Variants in BNC2 observed in about 807,000 individuals in gnomAD.
BNC2 encodes basonuclin zinc finger protein 2, also known as zinc finger protein basonuclin-2.
BNC2 carries 20 observed loss-of-function variants against 76.3 expected under a neutral mutation model. The observed-to-expected ratio is 0.26, with a 90% CI of 0.18 to 0.38. The LOEUF (loss-of-function observed/expected upper bound fraction) is 0.38, where lower values mean the gene tolerates loss of function less well. Ranked by LOEUF, BNC2 falls within the 10% of genes least tolerant of loss-of-function variation. BNC2 has a pLI of 1.00. For missense variants in BNC2, 1,382 were observed against 1,399.8 expected, an observed-to-expected ratio of 0.99 and a Z score of 0.20; for synonymous variants, 582 against 514.8, an observed-to-expected ratio of 1.13 and a Z score of -1.77.
intron 3 of BNC2, among the ~76,000 whole-genome samples, chr9:16,646,151 A>G (rs1178882633): frequency 2.6e-5 from 4 of 152,342 alleles, no homozygotes; most frequent in South Asian, 2.1e-4. Flanking sequence ...AGTGAACTGG[A>G]GGTCACCATT....
intron 3 of BNC2, among the ~76,000 whole-genome samples, chr9:16,710,307 C>A (rs1454024585): frequency 6.6e-6 from 1 of 152,176 alleles, no homozygotes; most frequent in Non-Finnish European, 1.5e-5. Context: ...TGCATCTTTC[C>A]TATGACATGT....
At chr9:16,432,777 C>A (rs1241349154) in intron 6 of BNC2, among the ~76,000 whole-genome samples, 1 of 152,146 alleles carries the variant, frequency 6.6e-6, no homozygotes, top group East Asian at 1.9e-4. Flanking sequence ...AGGAGGGTTT[C>A]TGTTTGAGAA....
At chr9:16,737,877 T>C (rs117017725) in intron 2 of BNC2, among the ~76,000 whole-genome samples, 2,252 of 152,214 alleles carry the variant, frequency 0.015, 18 homozygotes, top group Non-Finnish European at 0.02. Context: ...GTTATGTATC[T>C]CCATCTAGTT....
At chr9:16,799,462 C>T (rs892546132) in intron 1 of BNC2, among the ~76,000 whole-genome samples, 5 of 152,084 alleles carry the variant, frequency 3.3e-5, no homozygotes, top group African/African-American at 1.2e-4. Context: ...TTACCAGCAC[C>T]TGCCACAACA....
intron 5 of BNC2, among the ~76,000 whole-genome samples, chr9:16,537,295 C>A (rs1199084722): frequency 6.6e-6 from 1 of 152,096 alleles, no homozygotes; most frequent in East Asian, 1.9e-4. Context: ...TGCATGAGTA[C>A]ATACGGTTTC....
intron 4 of BNC2, among the ~76,000 whole-genome samples, chr9:16,563,448 G>T (rs1033087575): frequency 6.6e-6 from 1 of 150,834 alleles, no homozygotes; most frequent in Non-Finnish European, 1.5e-5. Context: ...GCGAAACCCT[G>T]TATCTACCAA....
intron 3 of BNC2, among the ~76,000 whole-genome samples, chr9:16,724,345 A>G (rs1336378221): frequency 1.3e-5 from 2 of 152,004 alleles, no homozygotes; most frequent in African/African-American, 4.8e-5. Context: ...TAAAAAAAAA[A>G]CTTTGAAAAG....
intron 1 of BNC2, among the ~76,000 whole-genome samples, chr9:16,822,449 C>T (rs1818360217): frequency 6.6e-6 from 1 of 152,142 alleles, no homozygotes. Flanking sequence ...CTTTTAAACT[C>T]TCAGTGGTAT....
At chr9:16,781,410 G>A (rs546496512) in intron 1 of BNC2, among the ~76,000 whole-genome samples, 32 of 152,176 alleles carry the variant, frequency 2.1e-4, no homozygotes, top group African/African-American at 7.5e-4. Context: ...TGGCGCAATC[G>A]TGGCTCACTG....
At chr9:16,706,613 G>C (rs540608026) in intron 3 of BNC2, among the ~76,000 whole-genome samples, 2 of 152,252 alleles carry the variant, frequency 1.3e-5, no homozygotes, top group South Asian at 2.1e-4. Context: ...AGTAATTTTT[G>C]TCTCCTTAGT....
At chr9:16,686,249 AC>A (rs1214740804) in intron 3 of BNC2, among the ~76,000 whole-genome samples, 24 of 152,296 alleles carry the variant, frequency 1.6e-4, no homozygotes, top group African/African-American at 5.3e-4. Context: ...TAATAAAAAA[AC>A]AAGGTTAAAA....
intron 1 of BNC2, among the ~76,000 whole-genome samples, chr9:16,766,030 G>A (rs997996369): frequency 1.2e-4 from 18 of 152,096 alleles, no homozygotes; most frequent in East Asian, 1.9e-4. Context: ...CTCGTGATCC[G>A]CCCGCCTTGG....
At chr9:16,507,418 C>A (rs1423844962) in intron 5 of BNC2, among the ~76,000 whole-genome samples, 1 of 152,034 alleles carries the variant, frequency 6.6e-6, no homozygotes, top group Non-Finnish European at 1.5e-5. Context: ...TGCCCCCACA[C>A]CTAGCTCATT....
chr9:16,643,223 T>C (rs1821536932), intron 3 of BNC2, among the ~76,000 whole-genome samples: 1 of 151,340 alleles, frequency 6.6e-6, no homozygotes, highest in South Asian at 2.1e-4. Context: ...GGAGAATCGC[T>C]TGAACCTGGG....
At chr9:16,556,766 CAA>C (rs397936765) in intron 4 of BNC2, among the ~76,000 whole-genome samples, 7 of 127,234 alleles carry the variant, frequency 5.5e-5, no homozygotes, top group Non-Finnish European at 3.4e-5. Flanking sequence ...GACTCTAACT[CAA>C]AAAAAAAAAA....
At chr9:16,496,931 C>G (rs1031100780) in intron 5 of BNC2, among the ~76,000 whole-genome samples, 1 of 152,256 alleles carries the variant, frequency 6.6e-6, no homozygotes, top group African/African-American at 2.4e-5. Flanking sequence ...TTGGTTCCAT[C>G]ATCACATCAG....
chr9:16,810,983 C>T (rs770743720), intron 1 of BNC2, among the ~76,000 whole-genome samples: 45 of 152,196 alleles, frequency 3.0e-4, no homozygotes, highest in Non-Finnish European at 5.0e-4. Flanking sequence ...ATTTGGGAGG[C>T]TGAGGCGGGC....
At chr9:16,780,247 A>AC (rs1047622069) in intron 1 of BNC2, among the ~76,000 whole-genome samples, 10 of 135,004 alleles carry the variant, frequency 7.4e-5, no homozygotes, top group African/African-American at 3.3e-4. Context: ...AAAAAAAAAA[A>AC]AAAAAAAAAC....
chr9:16,836,072 G>T (rs75357478), intron 1 of BNC2, among the ~76,000 whole-genome samples: 2 of 152,094 alleles, frequency 1.3e-5, no homozygotes, highest in Admixed American at 6.6e-5. Flanking sequence ...ATCTCTAAAG[G>T]CCTACAGGGA....
Sources: gnomAD v4.1 joint callset for allele counts (sites outside exome capture counted in the v4.1 genomes callset) on GRCh38, gnomAD v4.1.1 for gene constraint, MANE v1.5 for transcripts, NCBI Gene and HGNC (gene_info 2026-07-23, HGNC 2026-07-21) for gene names.